The following SLC24A3 variants were observed in gnomAD, a reference collection of about 807,000 sequenced individuals.
SLC24A3 encodes the protein solute carrier family 24 member 3.
In SLC24A3, 28 loss-of-function variants were observed where a neutral mutation model predicts 75.8. That is an observed-to-expected ratio of 0.37 (90% CI 0.27 to 0.51). SLC24A3 has a LOEUF of 0.51. Ranked by LOEUF, SLC24A3 falls within the 20% of genes least tolerant of loss-of-function variation. The probability of loss-of-function intolerance (pLI) is 0.94; values close to 1 mark genes in which losing one functional copy is unlikely to be tolerated. For synonymous variants in SLC24A3, 372 were observed against 334.1 expected (o/e 1.11, Z -1.24); for missense variants, 663 against 847.8 (o/e 0.78, Z 2.71).
At chr20:19,488,420 G>A (rs1049663065) in intron 2 of SLC24A3, among the ~76,000 whole-genome samples, 1 of 152,198 alleles carries the variant, frequency 6.6e-6, no homozygotes, top group Non-Finnish European at 1.5e-5. Context: ...TCATTATAGA[G>A]CCTCATGTGT....
intron 15 of SLC24A3, among the ~76,000 whole-genome samples, chr20:19,709,058 C>T (rs765276767): frequency 7.2e-5 from 11 of 152,138 alleles, no homozygotes; most frequent in Non-Finnish European, 1.2e-4. Flanking sequence ...CAGCCCACAG[C>T]GGCTGTGCTA....
chr20:19,673,691 T>G (rs1053213808), intron 9 of SLC24A3, 37 bp downstream of exon 9: 2 of 1,552,072 alleles, frequency 1.3e-6, no homozygotes, highest in Non-Finnish European at 1.8e-6. Context: ...CAAAACTGTT[T>G]CTTGCATTCC....
intron 2 of SLC24A3, among the ~76,000 whole-genome samples, chr20:19,463,430 C>T (rs536197030): frequency 2.6e-5 from 4 of 152,332 alleles, no homozygotes; most frequent in Non-Finnish European, 4.4e-5. Context: ...CACTGAAACA[C>T]TTATTCCTCA....
chr20:19,447,099 C>T (rs1568620413), intron 2 of SLC24A3, among the ~76,000 whole-genome samples: 1 of 152,182 alleles, frequency 6.6e-6, no homozygotes, highest in Non-Finnish European at 1.5e-5. Flanking sequence ...ATTTGAGTAT[C>T]ATCTGCCCCA....
At chr20:19,471,255 C>T (rs1987864811) in intron 2 of SLC24A3, among the ~76,000 whole-genome samples, 1 of 152,176 alleles carries the variant, frequency 6.6e-6, no homozygotes. Context: ...CATGAGAGAT[C>T]CCCAGATTTG....
intron 2 of SLC24A3, among the ~76,000 whole-genome samples, chr20:19,286,554 A>G (rs1289715433): frequency 6.6e-6 from 1 of 152,180 alleles, no homozygotes. Flanking sequence ...AACAAGAACC[A>G]GAGGGGATAA....
chr20:19,628,182 G>A (rs1381889134), intron 6 of SLC24A3, among the ~76,000 whole-genome samples: 27 of 122,324 alleles, frequency 2.2e-4, no homozygotes, highest in Admixed American at 4.3e-4. Context: ...CCAGCCTGGC[G>A]ACACAGCGAG....
At chr20:19,536,981 A>G (rs187546313) in intron 3 of SLC24A3, among the ~76,000 whole-genome samples, 74 of 152,324 alleles carry the variant, frequency 4.9e-4, no homozygotes, top group African/African-American at 1.7e-3. Flanking sequence ...GACTTCATGT[A>G]TAAAACACCA....
intron 2 of SLC24A3, among the ~76,000 whole-genome samples, chr20:19,325,702 T>C (rs1984822603): frequency 6.7e-6 from 1 of 148,780 alleles, no homozygotes; most frequent in Non-Finnish European, 1.5e-5. Flanking sequence ...TTTTGGATTT[T>C]GGAATATTTG....
chr20:19,294,045 A>G (rs550195028), intron 2 of SLC24A3, among the ~76,000 whole-genome samples: 13 of 152,180 alleles, frequency 8.5e-5, no homozygotes, highest in African/African-American at 2.7e-4. Flanking sequence ...GGTTGCTTAT[A>G]ATACCTAATA....
At chr20:19,239,120 T>TAA (rs11480954) in intron 1 of SLC24A3, among the ~76,000 whole-genome samples, 1,805 of 141,062 alleles carry the variant, frequency 0.013, 45 homozygotes, top group African/African-American at 0.04. Context: ...AAGCTTATTT[T>TAA]AAAAAAAAAA....
chr20:19,262,112 AAG>A (rs1272133700), intron 1 of SLC24A3, among the ~76,000 whole-genome samples: 1 of 152,126 alleles, frequency 6.6e-6, no homozygotes, highest in Non-Finnish European at 1.5e-5. Context: ...TATACACAGA[AAG>A]AGAGAGAGGC....
At chr20:19,512,275 A>G (rs2029898316) in intron 2 of SLC24A3, among the ~76,000 whole-genome samples, 1 of 152,196 alleles carries the variant, frequency 6.6e-6, no homozygotes, top group Non-Finnish European at 1.5e-5. Flanking sequence ...CTGAGCCTCC[A>G]AGGAAGGAGG....
chr20:19,531,638 A>G (rs746290713), intron 3 of SLC24A3, among the ~76,000 whole-genome samples: 1 of 152,224 alleles, frequency 6.6e-6, no homozygotes, highest in Non-Finnish European at 1.5e-5. Flanking sequence ...GTATGTGTAA[A>G]TACCTCAGGT....
intron 2 of SLC24A3, among the ~76,000 whole-genome samples, chr20:19,508,614 C>T (rs1284290041): frequency 2.0e-5 from 3 of 152,190 alleles, no homozygotes; most frequent in African/African-American, 4.8e-5. Context: ...AAGCTGATTG[C>T]TGTTGCCTTG....
chr20:19,351,569 G>C (rs1012149106), intron 2 of SLC24A3, among the ~76,000 whole-genome samples: 1 of 152,128 alleles, frequency 6.6e-6, no homozygotes, highest in Non-Finnish European at 1.5e-5. Flanking sequence ...GGGCCCTTGT[G>C]TGTCCAACAA....
chr20:19,238,477 C>T (rs1447563077), intron 1 of SLC24A3, among the ~76,000 whole-genome samples: 1 of 152,160 alleles, frequency 6.6e-6, no homozygotes, highest in Non-Finnish European at 1.5e-5. Flanking sequence ...GTGTATACTC[C>T]AGAGTGGAAT....
intron 1 of SLC24A3, among the ~76,000 whole-genome samples, chr20:19,223,514 G>A (rs1197207691): frequency 2.0e-5 from 3 of 152,048 alleles, no homozygotes; most frequent in African/African-American, 7.2e-5. Flanking sequence ...CCGAAACCAT[G>A]GATAGTACTG....
At chr20:19,568,466 A>G (rs1207063645) in intron 3 of SLC24A3, among the ~76,000 whole-genome samples, 1 of 152,218 alleles carries the variant, frequency 6.6e-6, no homozygotes, top group African/African-American at 2.4e-5. Flanking sequence ...TGCAACAGGG[A>G]TGAACCTTGA....
Sources: allele counts gnomAD v4.1 joint callset (sites outside exome capture counted in the v4.1 genomes callset), GRCh38; gene constraint gnomAD v4.1.1; transcripts MANE v1.5; gene names NCBI Gene and HGNC (gene_info 2026-07-23, HGNC 2026-07-21).